The following FER variants were observed in gnomAD, a reference collection of about 807,000 sequenced individuals.
The protein encoded by FER is FER tyrosine kinase.
FER carries 63 observed loss-of-function variants against 111.0 expected under a neutral mutation model. That is an observed-to-expected ratio of 0.57 (90% confidence interval 0.46 to 0.70). FER has a LOEUF of 0.70. Among genes scored for constraint, FER ranks in the 30% least tolerant of loss-of-function variants. FER has a pLI of 0.00. For missense variants in FER, 914 were observed against 954.0 expected (o/e 0.96, Z 0.55); for synonymous variants, 327 against 313.9 (o/e 1.04, Z -0.44).
At chr5:108,878,893 A>T (rs1038704996) in intron 8 of FER, among the ~76,000 whole-genome samples, 4 of 152,184 alleles carry the variant, frequency 2.6e-5, no homozygotes, top group African/African-American at 9.7e-5. Context: ...AAGACAGGAT[A>T]TTAGTTGTTA....
At chr5:108,775,409 A>G (rs994055382) in intron 2 of FER, among the ~76,000 whole-genome samples, 6 of 152,230 alleles carry the variant, frequency 3.9e-5, no homozygotes, top group African/African-American at 1.4e-4. Context: ...ATTATCTGTC[A>G]CATGATTCCC....
At chr5:108,932,415 C>T (rs1420739630) in intron 10 of FER, among the ~76,000 whole-genome samples, 1 of 152,210 alleles carries the variant, frequency 6.6e-6, no homozygotes, top group African/African-American at 2.4e-5. Context: ...TTTATCCAGC[C>T]TATCACTGAT....
At chr5:108,806,081 C>T (rs1013348356) in intron 3 of FER, among the ~76,000 whole-genome samples, 6 of 152,272 alleles carry the variant, frequency 3.9e-5, no homozygotes, top group Middle Eastern at 3.4e-3. Context: ...CCCTGTGTTA[C>T]GTGCAGTCTA....
At chr5:108,883,346 A>T in intron 8 of FER, 50 bp from the exon 9 acceptor site, 1 of 1,535,252 alleles carries the variant, frequency 6.5e-7, no homozygotes, top group Non-Finnish European at 8.8e-7. Context: ...TGATATGTAT[A>T]AAGTGAAAAT....
intron 16 of FER, 118 bp from the exon 17 acceptor site, chr5:109,100,278 G>T (rs2150065176): frequency 8.0e-7 from 1 of 1,249,626 alleles, no homozygotes; most frequent in Middle Eastern, 2.7e-4. Flanking sequence ...TGGGCAAAAA[G>T]CATGGCCAAA....
At chr5:108,960,665 A>T (rs1266922360) in intron 13 of FER, among the ~76,000 whole-genome samples, 3 of 152,038 alleles carry the variant, frequency 2.0e-5, no homozygotes. Flanking sequence ...GGCTTTATTT[A>T]CTATTTATAT....
intron 5 of FER, among the ~76,000 whole-genome samples, chr5:108,850,260 T>G: frequency 6.6e-6 from 1 of 152,260 alleles, no homozygotes; most frequent in East Asian, 1.9e-4. Context: ...TTGAAATTTA[T>G]AATGATCCTC....
chr5:108,899,320 A>G (rs1749657735), intron 10 of FER, among the ~76,000 whole-genome samples: 1 of 152,104 alleles, frequency 6.6e-6, no homozygotes, highest in Non-Finnish European at 1.5e-5. Context: ...TGTACCAAGG[A>G]CCCTATTAAA....
intron 5 of FER, among the ~76,000 whole-genome samples, chr5:108,867,439 A>G (rs1415602491): frequency 5.3e-5 from 8 of 152,096 alleles, no homozygotes; most frequent in Non-Finnish European, 8.8e-5. Context: ...TCTTGGTTTT[A>G]CAGTTTTATG....
chr5:108,789,455 A>G (rs564630709), intron 2 of FER, among the ~76,000 whole-genome samples: 2 of 151,962 alleles, frequency 1.3e-5, no homozygotes, highest in African/African-American at 4.8e-5. Flanking sequence ...CTAAATCATG[A>G]TCATTATTTC....
Position 108,872,139 on chromosome 5 carries a change from C to A in FER, c.850C>A (p.Leu284Met). ...AGAAATAGAGTTTGATACTTCCTTA[C>A]TGGAAGAAAATGAAAATCTTCAGGC... ...EQEIEFDTSL[L>M]EENENLQANE... Residue 284 changes from leucine (L) to methionine (M), a missense_variant, in exon 8 of 20, where the codon CTG (leucine) becomes ATG (methionine). Leu to Met is a conservative substitution (Grantham distance 15). This residue lies in a region of FER where 774 missense variants were observed against 782.6 expected (regional missense o/e 0.99). Coordinates refer to ENST00000281092, the MANE Select transcript of FER (RefSeq NM_005246.4). The A allele has an allele frequency of 6.2e-7, 1 of 1,611,308 alleles. No homozygotes were observed. The highest frequency in any genetic ancestry group is 1.1e-5 in the South Asian group (1 of 90,758).
At chr5:108,773,602 C>T (rs1176557955) in intron 2 of FER, among the ~76,000 whole-genome samples, 2 of 151,830 alleles carry the variant, frequency 1.3e-5, no homozygotes, top group East Asian at 1.9e-4. Flanking sequence ...TCATTGATGG[C>T]CATTTAGGTT....
intron 17 of FER, among the ~76,000 whole-genome samples, chr5:109,148,766 T>G (rs1754505612): frequency 6.6e-6 from 1 of 152,134 alleles, no homozygotes; most frequent in African/African-American, 2.4e-5. Flanking sequence ...GGGGCTTTGG[T>G]ATGGGTATGT....
At chr5:108,887,323 CTAA>C (rs1438348248) in intron 9 of FER, among the ~76,000 whole-genome samples, 2 of 151,574 alleles carry the variant, frequency 1.3e-5, no homozygotes, top group East Asian at 3.9e-4. Flanking sequence ...TCTAAAATAT[CTAA>C]TGACAGTGAA....
At chr5:108,861,532 G>A (rs1440999742) in intron 5 of FER, among the ~76,000 whole-genome samples, 1 of 151,940 alleles carries the variant, frequency 6.6e-6, no homozygotes, top group Non-Finnish European at 1.5e-5. Context: ...TTGACATGTA[G>A]AACACTCATG....
At chr5:108,969,681 G>T (rs1760376269) in intron 13 of FER, among the ~76,000 whole-genome samples, 1 of 146,394 alleles carries the variant, frequency 6.8e-6, no homozygotes, top group South Asian at 2.1e-4. Context: ...CATGGCACCT[G>T]TCCTCAAGCA....
intron 2 of FER, among the ~76,000 whole-genome samples, chr5:108,779,304 A>T (rs749543974): frequency 6.7e-6 from 1 of 149,090 alleles, no homozygotes; most frequent in Non-Finnish European, 1.5e-5. Context: ...TTTTGCCAGC[A>T]TCTATTTACT....
chr5:108,829,705 C>T (rs1580759173), intron 3 of FER, among the ~76,000 whole-genome samples: 2 of 152,026 alleles, frequency 1.3e-5, no homozygotes, highest in South Asian at 4.1e-4. Flanking sequence ...TACATTCCTC[C>T]TTCCTTTTTT....
intron 10 of FER, among the ~76,000 whole-genome samples, chr5:108,939,496 T>G (rs368982778): frequency 2.0e-5 from 3 of 152,046 alleles, no homozygotes; most frequent in Admixed American, 2.0e-4. Context: ...GTCAAGGATT[T>G]GTTTTCATTT....
Sources: allele counts gnomAD v4.1 joint callset (sites outside exome capture counted in the v4.1 genomes callset), GRCh38; gene constraint gnomAD v4.1.1; regional missense constraint gnomAD v4.1.1; transcripts MANE v1.5; gene names NCBI Gene and HGNC (gene_info 2026-07-23, HGNC 2026-07-21).